PCTP: variants seen among roughly 807,000 people sequenced by gnomAD.
PCTP encodes phosphatidylcholine transfer protein, also known as START domain-containing protein 2.
In PCTP, 27 loss-of-function variants were observed where a neutral mutation model predicts 31.0. The observed-to-expected ratio is 0.87, with a 90% CI of 0.64 to 1.20. The LOEUF (loss-of-function observed/expected upper bound fraction) is 1.20. Ranked by LOEUF, PCTP falls within the 50% of genes most tolerant of loss-of-function variation. PCTP has a pLI of 0.00. For missense variants in PCTP, 287 were observed against 268.2 expected, an observed-to-expected ratio of 1.07 and a Z score of -0.49; for synonymous variants, 108 against 101.2, an observed-to-expected ratio of 1.07 and a Z score of -0.40.
rs201740174 is a variant in PCTP at position 55,774,808 on chromosome 17, C to T, written c.528C>T (p.Phe176=). The change falls in exon 5 of 6, where the codon TTC becomes TTT. Residue 176 remains phenylalanine, a synonymous_variant. Coordinates refer to ENST00000268896, the MANE Select transcript of PCTP (RefSeq NM_021213.4). ...KKGSKVFMYY[F]DNPGGQIPSW... is the part of the protein sequence containing the mutation. ...CCTCTCTAGTTTTCATGTATTACTT[C>T]GATAACCCGGGTGGCCAAATTCCGT... 33 of 1,608,352 alleles carry T rather than the reference C, an allele frequency of 2.1e-5. No individual in the cohort carries two copies. Among genetic ancestry groups the T allele is most frequent in the East Asian group, 9.0e-5 (4 of 44,662 alleles).
chr17:55,767,654 A>G (rs1567714058), intron 2 of PCTP, among the ~76,000 whole-genome samples: 1 of 151,424 alleles, frequency 6.6e-6, no homozygotes, highest in East Asian at 1.9e-4. Context: ...TAGTAGAGAC[A>G]GGGTTTCTCC....
At position 55,811,419 on chromosome 17, in the gene PCTP, A is replaced by C. The variant is rs539835725; in HGVS notation, c.318-11342A>C. On this transcript the variant is annotated intron_variant, in intron 3 of 3. Transcript: ENST00000572536. The stretch of plus-strand genomic sequence containing the variant: ...ATTTCCTATTGTCATTTTATTTTAC[A>C]TATGAGGAAACTGAGTCCTAGGCAG... 2.8e-4 allele frequency among the ~76,000 whole-genome samples: 43 copies of C among 152,324 alleles called. 1 individual carries two copies. Among genetic ancestry groups the C allele is most frequent in the Admixed American group, 2.5e-3 (38 of 15,294 alleles).
intron 3 of PCTP, among the ~76,000 whole-genome samples, chr17:55,818,882 G>A (rs1262646776): frequency 2.6e-5 from 4 of 151,946 alleles, no homozygotes; most frequent in Non-Finnish European, 4.4e-5. Flanking sequence ...ACGGTCAGAA[G>A]GGTGGCCAGG....
rs190213840 is a variant in PCTP, at chr17:55,753,776, G to A, written c.141+2532G>A. Among the ~76,000 whole-genome samples the A allele has an allele frequency of 4.3e-3, 650 of 152,292 alleles. 5 individuals carry two copies. The highest frequency in any genetic ancestry group is 7.4e-3 in the Non-Finnish European group (501 of 68,022). On this transcript the variant is annotated intron_variant, in intron 1 of 5. Coordinates refer to ENST00000268896, the MANE Select transcript of PCTP (RefSeq NM_021213.4). ...CCTGTATACAGACGAGGCAGTTGAG[G>A]TCCAGGGAAAGTCAGTGGCATATAC...
At chr17:55,762,621 A>G (rs955494064) in intron 1 of PCTP, among the ~76,000 whole-genome samples, 1 of 152,182 alleles carries the variant, frequency 6.6e-6, no homozygotes, top group African/African-American at 2.4e-5. Context: ...AATAGGTCAG[A>G]GTTCTACCTA....
Position 55,776,453 on chromosome 17 carries a change from G to T in PCTP, c.*353G>T. On this transcript the variant is annotated 3_prime_UTR_variant, in exon 6 of 6. Transcript: ENST00000268896. ...GTAGGGAACACGATCATTCCATTGT[G>T]CAATTTTACGGGGATGGGTGGGCGG... 8.1e-7 allele frequency: 1 copy of T among 1,232,474 alleles called. No homozygotes were observed. The highest frequency in any genetic ancestry group is 3.2e-5 in the East Asian group (1 of 31,732). The allele number at this position is 1,232,474 out of a possible 1,614,324, so 76.3% of individuals were successfully genotyped here. A position where few individuals can be genotyped will look rare whatever the true frequency, so the allele number is the denominator to read the frequency against.
chr17:55,767,064 T>G (rs887694920), intron 1 of PCTP, among the ~76,000 whole-genome samples: 1 of 152,266 alleles, frequency 6.6e-6, no homozygotes, highest in African/African-American at 2.4e-5. Flanking sequence ...TGTCTTCTTT[T>G]GAGAAGTATC....
At chr17:55,751,489 C>G in intron 1 of PCTP, 2 of 1,521,022 alleles carry the variant, frequency 1.3e-6, no homozygotes, top group Non-Finnish European at 1.8e-6. Flanking sequence ...TCAGGCCCGA[C>G]GGGGCATGTA....
chr17:55,805,886 A>ATGTGTGTGTGTGTGTGTGTGTGTGTGTG (rs58345619), intron 3 of PCTP, among the ~76,000 whole-genome samples: 15 of 142,860 alleles, frequency 1.0e-4, no homozygotes, highest in Non-Finnish European at 1.7e-4. Flanking sequence ...CTCAATCTGT[A>ATGTGTGTGTGTGTGTGTGTGTGTGTGTG]TGTGTGTGTG....
downstream of PCTP, among the ~76,000 whole-genome samples, chr17:55,823,904 C>A (rs1414520518): frequency 6.6e-6 from 1 of 152,172 alleles, no homozygotes; most frequent in Non-Finnish European, 1.5e-5. Flanking sequence ...ATGAATAGTG[C>A]TGCATAACTC....
chr17:55,829,123 A>G (rs77197092), intron 5 of PCTP, among the ~76,000 whole-genome samples: 4,911 of 152,030 alleles, frequency 0.032, 146 homozygotes, highest in Admixed American at 0.096. Context: ...GTTAAGCCAG[A>G]CTTTGTGAAA....
At chr17:55,773,328 C>T (rs897568600) in intron 3 of PCTP, among the ~76,000 whole-genome samples, 2 of 152,182 alleles carry the variant, frequency 1.3e-5, no homozygotes, top group Non-Finnish European at 2.9e-5. Flanking sequence ...AGCCTGTCTG[C>T]AAGGCAGTGT....
chr17:55,776,336 C>A lies in PCTP; in HGVS notation c.*236C>A, dbSNP rs918954949. On this transcript the variant is annotated 3_prime_UTR_variant, in exon 6 of 6. Transcript: ENST00000268896. ...TCGTCTGCTTCCTTTCTCGCTCCCCCCATCCTGGGCTGGGCTGCCTTCTTC... is the reference window on the plus strand; with the variant it reads ...TCGTCTGCTTCCTTTCTCGCTCCCCACATCCTGGGCTGGGCTGCCTTCTTC... 3.7e-6 allele frequency: 5 copies of A among 1,356,392 alleles called. No homozygotes were observed. The highest frequency in any genetic ancestry group is 1.5e-5 in the African/African-American group (1 of 67,782). 84.0% of individuals were successfully genotyped at this position (1,356,392 alleles called of 1,614,324 possible).
intron 5 of PCTP, among the ~76,000 whole-genome samples, chr17:55,835,123 G>T (rs1207915286): frequency 1.3e-5 from 2 of 152,150 alleles, no homozygotes; most frequent in African/African-American, 4.8e-5. Flanking sequence ...GTCTGGGGCT[G>T]CCAGAAGCTT....
At chr17:55,811,336 C>T (rs769823499) in intron 3 of PCTP, among the ~76,000 whole-genome samples, 1 of 152,190 alleles carries the variant, frequency 6.6e-6, no homozygotes, top group Non-Finnish European at 1.5e-5. Flanking sequence ...TTACTATGTT[C>T]TCTTCCAAGC....
chr17:55,835,223 G>A (rs1055775220), intron 5 of PCTP, among the ~76,000 whole-genome samples: 1 of 152,134 alleles, frequency 6.6e-6, no homozygotes, highest in African/African-American at 2.4e-5. Flanking sequence ...CTCCAGAAGT[G>A]TGAGACAATA....
chr17:55,763,932 T>C (rs1475649784), intron 1 of PCTP, among the ~76,000 whole-genome samples: 1 of 152,224 alleles, frequency 6.6e-6, no homozygotes, highest in Admixed American at 6.5e-5. Context: ...TGCCGTGTTA[T>C]GGAGCATTTG....
intron 2 of PCTP, 92 bp from the exon 3 acceptor site, chr17:55,771,014 T>C (rs1442140473): frequency 2.1e-6 from 2 of 930,794 alleles, no homozygotes; most frequent in African/African-American, 3.3e-5. Context: ...ATTACAGGCA[T>C]GAGCCACCAT....
At chr17:55,841,332 T>C (rs973077750) in intron 5 of PCTP, among the ~76,000 whole-genome samples, 1 of 152,226 alleles carries the variant, frequency 6.6e-6, no homozygotes, top group Non-Finnish European at 1.5e-5. Flanking sequence ...AGTACTGTGG[T>C]TGTGGAACTT....
Sources: gnomAD v4.1 joint callset for allele counts (sites outside exome capture counted in the v4.1 genomes callset) on GRCh38, gnomAD v4.1.1 for gene constraint, MANE v1.5 for transcripts, NCBI Gene and HGNC (gene_info 2026-07-23, HGNC 2026-07-21) for gene names.